Variants in HS3ST4 observed in about 807,000 individuals in gnomAD.
The protein encoded by HS3ST4 is heparan sulfate-glucosamine 3-sulfotransferase 4.
Under a neutral mutation model 29.2 loss-of-function variants are expected in HS3ST4, and 17 were observed. The ratio of observed to expected loss-of-function variants is 0.58; its 90% CI spans 0.40 to 0.87. The LOEUF (loss-of-function observed/expected upper bound fraction) is 0.87, where lower values mean the gene tolerates loss of function less well. Among genes scored for constraint, HS3ST4 ranks in the 40% least tolerant of loss-of-function variants. The pLI is 0.00. For missense variants in HS3ST4, 627 were observed against 634.5 expected, an observed-to-expected ratio of 0.99 and a Z score of 0.13; for synonymous variants, 314 against 285.7, an observed-to-expected ratio of 1.10 and a Z score of -1.00.
chr16:25,993,956 G>C (rs1166079680), intron 1 of HS3ST4, among the ~76,000 whole-genome samples: 3 of 35,452 alleles, frequency 8.5e-5, no homozygotes, highest in Admixed American at 5.6e-4. Flanking sequence ...CCTCGTGTGT[G>C]TGTGTGTGTG....
intron 1 of HS3ST4, among the ~76,000 whole-genome samples, chr16:25,929,796 T>C (rs994092094): frequency 2.0e-5 from 3 of 152,184 alleles, no homozygotes; most frequent in African/African-American, 7.2e-5. Context: ...ATTTCTTTAT[T>C]TTATATTTTT....
At chr16:25,751,851 TGGAGCAATC>T (rs1966722922) in intron 1 of HS3ST4, among the ~76,000 whole-genome samples, 1 of 152,222 alleles carries the variant, frequency 6.6e-6, no homozygotes, top group African/African-American at 2.4e-5. Flanking sequence ...AGGCTGGTAC[TGGAGCAATC>T]GGGAGCAATC....
chr16:26,099,551 G>C (rs918346325), intron 1 of HS3ST4, among the ~76,000 whole-genome samples: 6 of 152,144 alleles, frequency 3.9e-5, no homozygotes, highest in Non-Finnish European at 8.8e-5. Flanking sequence ...TGCTCTCACA[G>C]TCAATACAGA....
chr16:25,761,012 CAG>C (rs766776136), intron 1 of HS3ST4, among the ~76,000 whole-genome samples: 2,738 of 152,204 alleles, frequency 0.018, 78 homozygotes, highest in African/African-American at 0.061. Context: ...AGCCAGATGG[CAG>C]AGAGAGTGAT....
At chr16:26,090,975 T>C (rs1898850032) in intron 1 of HS3ST4, among the ~76,000 whole-genome samples, 1 of 152,172 alleles carries the variant, frequency 6.6e-6, no homozygotes, top group African/African-American at 2.4e-5. Flanking sequence ...TAACCTGGTG[T>C]ATAGGGTCAA....
At chr16:25,973,289 G>T (rs892191819) in intron 1 of HS3ST4, among the ~76,000 whole-genome samples, 8 of 152,216 alleles carry the variant, frequency 5.3e-5, no homozygotes, top group Non-Finnish European at 1.0e-4. Context: ...CTCCTATGAA[G>T]TGGGAAGCCA....
intron 1 of HS3ST4, among the ~76,000 whole-genome samples, chr16:25,830,315 T>C (rs540941676): frequency 6.6e-6 from 1 of 152,340 alleles, no homozygotes; most frequent in South Asian, 2.1e-4. Context: ...TTTTCTTTCT[T>C]TATCCTCTTT....
intron 1 of HS3ST4, among the ~76,000 whole-genome samples, chr16:26,007,317 C>T (rs1246999108): frequency 1.3e-5 from 2 of 152,148 alleles, no homozygotes; most frequent in Non-Finnish European, 2.9e-5. Context: ...GTTATAAATC[C>T]TGCTTTAAAT....
chr16:25,862,163 ATATTTATTTATTTATTTATT>A (rs60894635), intron 1 of HS3ST4, among the ~76,000 whole-genome samples: 5 of 144,700 alleles, frequency 3.5e-5, no homozygotes, highest in Admixed American at 6.9e-5. Context: ...ATTTATTTAC[ATATTTATTTATTTATTTATT>A]TATTTATTTA....
At position 25,894,136 on chromosome 16, in the gene HS3ST4, C is replaced by T. The variant is rs147158979; in HGVS notation, c.734+200985C>T. Among the ~76,000 whole-genome samples the T allele has an allele frequency of 2.5e-3, 376 of 152,288 alleles. 2 individuals are homozygous for T. The South Asian group carries it at 0.028, about 12-fold the overall frequency. On this transcript the variant is annotated intron_variant, in intron 1 of 1. Transcript: ENST00000331351. ...TAACCTCAGTTCACTCCTTTCTCTG[C>T]TCAGGACATGGTTCCATTGCCATTT...
At chr16:26,083,888 A>G (rs1172598408) in intron 1 of HS3ST4, among the ~76,000 whole-genome samples, 1 of 152,190 alleles carries the variant, frequency 6.6e-6, no homozygotes, top group Middle Eastern at 3.2e-3. Flanking sequence ...AGGGGAGATA[A>G]CATGTGAAAG....
At chr16:26,051,389 G>A (rs1240517583) in intron 1 of HS3ST4, among the ~76,000 whole-genome samples, 1 of 152,110 alleles carries the variant, frequency 6.6e-6, no homozygotes, top group Non-Finnish European at 1.5e-5. Flanking sequence ...ACAAAGACGA[G>A]CATGATTCCA....
chr16:25,987,349 CAAA>C (rs113401468), intron 1 of HS3ST4, among the ~76,000 whole-genome samples: 2 of 118,586 alleles, frequency 1.7e-5, no homozygotes, highest in Non-Finnish European at 3.7e-5. Context: ...AACTCCAACT[CAAA>C]AAAAAAAAAA....
At chr16:25,799,895 G>A (rs2141623546) in intron 1 of HS3ST4, among the ~76,000 whole-genome samples, 1 of 152,186 alleles carries the variant, frequency 6.6e-6, no homozygotes, top group Admixed American at 6.5e-5. Flanking sequence ...GGTCAGGCTA[G>A]AGTGCATGGC....
intron 1 of HS3ST4, among the ~76,000 whole-genome samples, chr16:25,713,773 C>G (rs1057128078): frequency 6.6e-6 from 1 of 152,112 alleles, no homozygotes. Flanking sequence ...CAAGACATGC[C>G]CACCTCAGAG....
intron 1 of HS3ST4, among the ~76,000 whole-genome samples, chr16:26,044,592 G>A (rs4474686): frequency 1 from 152,202 of 152,230 alleles, 76,087 homozygotes; most frequent in Middle Eastern, 1. Flanking sequence ...TTCCTTTATT[G>A]TATCTCTTGT....
At chr16:25,735,167 A>G (rs567691277) in intron 1 of HS3ST4, among the ~76,000 whole-genome samples, 60 of 152,344 alleles carry the variant, frequency 3.9e-4, no homozygotes, top group Non-Finnish European at 7.8e-4. Flanking sequence ...ATGTGTAGGC[A>G]GTGAGCACTG....
intron 1 of HS3ST4, among the ~76,000 whole-genome samples, chr16:25,710,054 CTTTGA>C (rs1213268129): frequency 1.3e-5 from 2 of 152,050 alleles, no homozygotes; most frequent in African/African-American, 4.8e-5. Flanking sequence ...TCTAGAAAAT[CTTTGA>C]TTTTATGCCA....
chr16:26,116,311 A>G (rs1899199689), intron 1 of HS3ST4, among the ~76,000 whole-genome samples: 1 of 152,202 alleles, frequency 6.6e-6, no homozygotes, highest in Admixed American at 6.5e-5. Context: ...AGCAAATGGA[A>G]GTTACAATTT....
Sources: gnomAD v4.1 joint callset for allele counts (sites outside exome capture counted in the v4.1 genomes callset) on GRCh38, gnomAD v4.1.1 for gene constraint, MANE v1.5 for transcripts, NCBI Gene and HGNC (gene_info 2026-07-23, HGNC 2026-07-21) for gene names.